Variants in DAB1 observed in about 807,000 individuals in gnomAD.
The protein encoded by DAB1 is disabled homolog 1.
DAB1 carries 15 observed loss-of-function variants against 64.6 expected under a neutral mutation model. The ratio of observed to expected loss-of-function variants is 0.23; its 90% CI spans 0.16 to 0.36. The LOEUF is 0.36. Among genes scored for constraint, DAB1 ranks in the 10% least tolerant of loss-of-function variants. The pLI, the probability that DAB1 is intolerant of heterozygous loss-of-function variation, is 1.00. For synonymous variants in DAB1, 235 were observed against 251.9 expected (o/e 0.93, Z 0.64); for missense variants, 596 against 706.7 (o/e 0.84, Z 1.78).
At chr1:58,103,134 T>G (rs955559975) in intron 5 of DAB1, among the ~76,000 whole-genome samples, 2 of 152,188 alleles carry the variant, frequency 1.3e-5, no homozygotes, top group Non-Finnish European at 2.9e-5. Flanking sequence ...ACCCGATACG[T>G]GGTAATGCAC....
rs150214311 is a variant in DAB1, at chr1:58,520,198, G to A, written n.107+7063C>T. ...CATTTGTACACCAAATCTTAGCAAC[G>A]TGCAATTTACCCACGTAACAGACCT... is the stretch of plus-strand genomic sequence containing the variant. On this transcript the variant is annotated intron_variant and non_coding_transcript_variant, in intron 2 of 20. Transcript: ENST00000485760. 3.2e-3 allele frequency among the ~76,000 whole-genome samples: 488 copies of A among 152,054 alleles called. 5 individuals are homozygous for A. Among genetic ancestry groups the A allele is most frequent in the African/African-American group, 0.011 (467 of 41,460 alleles).
At position 57,758,232 on chromosome 1, in the gene DAB1, T is replaced by C. The variant is rs868113697; in HGVS notation, n.552-108567A>G. ...ACTTTTAATACATCTCATTTAACCA[T>C]GACAACTGCTTTATGATGCTGGCAT... On this transcript the variant is annotated intron_variant and non_coding_transcript_variant, in intron 6 of 20. Transcript: ENST00000485760. Among the ~76,000 whole-genome samples the C allele has an allele frequency of 9.2e-5, 14 of 152,316 alleles. No individual in the cohort carries two copies. In the South Asian group the frequency reaches 2.1e-3, roughly 23 times the overall value.
intron 4 of DAB1, among the ~76,000 whole-genome samples, chr1:58,173,454 C>T (rs1039883483): frequency 6.6e-6 from 1 of 152,172 alleles, no homozygotes; most frequent in Non-Finnish European, 1.5e-5. Context: ...TGACCATTCA[C>T]CCCGAACCCC....
chr1:58,285,610 A>G (rs555667835), intron 4 of DAB1, among the ~76,000 whole-genome samples: 5 of 152,326 alleles, frequency 3.3e-5, no homozygotes, highest in African/African-American at 1.2e-4. Flanking sequence ...ACACCTAACA[A>G]GGGAAGTGGA....
chr1:57,112,681 T>G (rs1015397146), intron 4 of DAB1, among the ~76,000 whole-genome samples: 3 of 152,140 alleles, frequency 2.0e-5, no homozygotes, highest in Non-Finnish European at 4.4e-5. Flanking sequence ...GTTTTATAAC[T>G]AATAAATATC....
At chr1:58,448,756 G>C (rs1449193492) in intron 3 of DAB1, among the ~76,000 whole-genome samples, 1 of 152,190 alleles carries the variant, frequency 6.6e-6, no homozygotes, top group Non-Finnish European at 1.5e-5. Flanking sequence ...CCAGCTACTG[G>C]AATTGAGGCT....
chr1:58,312,545 C>T (rs746862644), intron 4 of DAB1, among the ~76,000 whole-genome samples: 2 of 152,134 alleles, frequency 1.3e-5, no homozygotes, highest in East Asian at 1.9e-4. Flanking sequence ...TTGATGCATC[C>T]GAAACATTCT....
chr1:58,089,489 A>C (rs1650511850), intron 5 of DAB1, among the ~76,000 whole-genome samples: 1 of 152,264 alleles, frequency 6.6e-6, no homozygotes, highest in Admixed American at 6.5e-5. Flanking sequence ...TATTAGAAGA[A>C]GGATGGACCC....
In DAB1 at chr1:58,185,871, C is replaced by T. The variant is rs144342095; in HGVS notation, n.310-35283G>A. On this transcript the variant is annotated intron_variant and non_coding_transcript_variant, in intron 4 of 20. Transcript: ENST00000485760. ...AAGTCATTGAGTTTCTCTGAACCTCCGATTGCTCATCTGTGGCATGTGGAT... is the reference window on the plus strand; with the variant it reads ...AAGTCATTGAGTTTCTCTGAACCTCTGATTGCTCATCTGTGGCATGTGGAT... Among the ~76,000 whole-genome samples, 69 of 152,190 alleles carry T rather than the reference C, an allele frequency of 4.5e-4. 1 individual carries two copies. Among genetic ancestry groups the T allele is most frequent in the African/African-American group, 1.6e-3 (65 of 41,544 alleles).
intron 4 of DAB1, among the ~76,000 whole-genome samples, chr1:57,075,071 G>A (rs751841364): frequency 3.3e-5 from 5 of 152,064 alleles, no homozygotes; most frequent in African/African-American, 4.8e-5. Context: ...TATCTCTCTC[G>A]CTGCATAATG....
chr1:57,292,705 C>A (rs1672872581), intron 1 of DAB1, among the ~76,000 whole-genome samples: 1 of 152,024 alleles, frequency 6.6e-6, no homozygotes. Flanking sequence ...CAAATACTAG[C>A]TCATTCATGT....
chr1:57,529,247 C>G (rs548281702), intron 7 of DAB1, among the ~76,000 whole-genome samples: 1 of 151,930 alleles, frequency 6.6e-6, no homozygotes, highest in South Asian at 2.1e-4. Context: ...GCAAAGTCAA[C>G]AGAGATAAAA....
Position 58,490,070 on chromosome 1 carries a change from C to A in DAB1, n.257+15990G>T, listed in dbSNP as rs191828644. Among the ~76,000 whole-genome samples, 677 of 152,316 alleles carry A rather than the reference C, an allele frequency of 4.4e-3. 4 individuals are homozygous for A. Among genetic ancestry groups the A allele is most frequent in the African/African-American group, 0.016 (656 of 41,568 alleles). ...CCAAAGGAACACAGCTCGTCACCAGCAACAGAACAAAGCTGGACGCAGAAT... is the reference window on the plus strand; with the variant it reads ...CCAAAGGAACACAGCTCGTCACCAGAAACAGAACAAAGCTGGACGCAGAAT... On this transcript the variant is annotated intron_variant and non_coding_transcript_variant, in intron 3 of 20. Coordinates refer to the DAB1 transcript ENST00000485760.
At chr1:57,368,595 G>C (rs866257696) in intron 1 of DAB1, among the ~76,000 whole-genome samples, 10 of 152,232 alleles carry the variant, frequency 6.6e-5, no homozygotes, top group South Asian at 6.2e-4. Context: ...TGCCTGCAGA[G>C]AGAAGGGCCT....
At chr1:58,452,370 G>T (rs1490247431) in intron 3 of DAB1, among the ~76,000 whole-genome samples, 1 of 151,648 alleles carries the variant, frequency 6.6e-6, no homozygotes, top group Non-Finnish European at 1.5e-5. Flanking sequence ...ATGAGATAGA[G>T]ATACCATTAT....
intron 3 of DAB1, among the ~76,000 whole-genome samples, chr1:58,357,026 CAAAAAAAAAAAAA>C (rs3990929): frequency 2.3e-5 from 2 of 86,136 alleles, no homozygotes; most frequent in African/African-American, 1.1e-4. Flanking sequence ...ACCCTGTCTC[CAAAAAAAAAAAAA>C]AAAAAAAAAG....
At chr1:57,363,866 C>T (rs1274657268) in intron 1 of DAB1, among the ~76,000 whole-genome samples, 1 of 152,178 alleles carries the variant, frequency 6.6e-6, no homozygotes, top group African/African-American at 2.4e-5. Flanking sequence ...AACTTTCAGA[C>T]ATGCCCCAGC....
At chr1:57,492,242 T>C (rs1644174625) in intron 7 of DAB1, among the ~76,000 whole-genome samples, 2 of 152,214 alleles carry the variant, frequency 1.3e-5, no homozygotes, top group South Asian at 4.1e-4. Context: ...ATGAACAGTG[T>C]ACTGAATATG....
chr1:57,082,419 T>C (rs1652637846), intron 4 of DAB1, among the ~76,000 whole-genome samples: 1 of 152,224 alleles, frequency 6.6e-6, no homozygotes, highest in Non-Finnish European at 1.5e-5. Flanking sequence ...TTAGAAGTGC[T>C]TCATGTTAGA....
Sources: gnomAD v4.1 joint callset for allele counts (sites outside exome capture counted in the v4.1 genomes callset) on GRCh38, gnomAD v4.1.1 for gene constraint, MANE v1.5 for transcripts, NCBI Gene and HGNC (gene_info 2026-07-23, HGNC 2026-07-21) for gene names.